Variants in NLRP13 observed in about 807,000 individuals in gnomAD.
The protein encoded by NLRP13 is NACHT, LRR and PYD domains-containing protein 13.
A neutral mutation model predicts 94.4 loss-of-function variants in NLRP13; 82 were observed. The observed-to-expected ratio is 0.87, with a 90% CI of 0.73 to 1.04. NLRP13 has a LOEUF of 1.04. Among genes scored for constraint, NLRP13 ranks in the 50% least tolerant of loss-of-function variants. NLRP13 has a pLI of 0.00. For synonymous variants in NLRP13, 553 were observed against 464.7 expected (o/e 1.19, Z -2.45); for missense variants, 1,426 against 1,230.8 (o/e 1.16, Z -2.37).
rs1301361814 is a variant in NLRP13, at chr19:55,904,992, C to T, written c.2568G>A (p.Lys856=). 2 of 1,614,066 alleles carry T rather than the reference C, an allele frequency of 1.2e-6. No individual in the cohort carries two copies. Among genetic ancestry groups the T allele is most frequent in the Admixed American group, 1.7e-5 (1 of 60,002 alleles). The change falls in exon 8 of 11, where the codon AAG becomes AAA. Residue 856 remains lysine, a synonymous_variant. Coordinates refer to ENST00000342929, the MANE Select transcript of NLRP13 (RefSeq NM_176810.2). ...GFNRLQDDGI[K]LLCAALTHPK... is the part of the protein sequence containing the mutation. ...GGTGAGTCAGGGCCGCACACAATAG[C>T]TTTATGCCATCATCTTGGAGCCGAT...
chr19:55,902,009 A>C, intron 9 of NLRP13, 26 bp downstream of exon 9: 1 of 1,611,720 alleles, frequency 6.2e-7, no homozygotes, highest in East Asian at 2.2e-5. Flanking sequence ...CCATCTGCCA[A>C]CTCAGAGGGA....
intron 7 of NLRP13, 57 bp from the exon 8 acceptor site, chr19:55,905,169 C>T (rs1358846232): frequency 1.9e-6 from 3 of 1,587,036 alleles, no homozygotes; most frequent in Non-Finnish European, 1.7e-6. Context: ...GTTCCTCTAC[C>T]TTTCTCTCTC....
In NLRP13 at chr19:55,910,748, G is replaced by A; in HGVS notation, c.2112-15C>T. 3 of 1,590,544 alleles carry A rather than the reference G, an allele frequency of 1.9e-6. No homozygotes were observed. The Admixed American group carries it at 5.1e-5, about 27-fold the overall frequency. The stretch of plus-strand genomic sequence containing the variant: ...ACTTGCTTGTCCTTCATGAGGGAGA[G>A]ACAGAACACGGATAAGAGCAAATTA... On this transcript the variant is annotated splice_polypyrimidine_tract_variant and intron_variant, in intron 5 of 10. Transcript: ENST00000342929.
intron 1 of NLRP13, among the ~76,000 whole-genome samples, chr19:55,926,313 A>G (rs1204611239): frequency 1.3e-5 from 2 of 152,336 alleles, no homozygotes; most frequent in Non-Finnish European, 1.5e-5. Flanking sequence ...GGACTAGTAC[A>G]TGGCTGCAAA....
At chr19:55,925,484 G>T (rs1986946388) in intron 1 of NLRP13, among the ~76,000 whole-genome samples, 1 of 152,156 alleles carries the variant, frequency 6.6e-6, no homozygotes, top group Admixed American at 6.5e-5. Context: ...CCTGTCTAGG[G>T]AGATGGCTAG....
At chr19:55,903,721 G>T (rs2123110719) in intron 8 of NLRP13, among the ~76,000 whole-genome samples, 1 of 151,964 alleles carries the variant, frequency 6.6e-6, no homozygotes, top group African/African-American at 2.4e-5. Context: ...AGGTGTTCTT[G>T]GTACCCTCCC....
chr19:55,900,375 G>A (rs1397320153), intron 9 of NLRP13, among the ~76,000 whole-genome samples: 2 of 152,144 alleles, frequency 1.3e-5, no homozygotes, highest in African/African-American at 4.8e-5. Context: ...ACTACTTTGT[G>A]TTTACAAAGG....
chr19:55,927,867 T>C (rs1039900708), intron 1 of NLRP13, among the ~76,000 whole-genome samples: 2 of 152,172 alleles, frequency 1.3e-5, no homozygotes, highest in Non-Finnish European at 2.9e-5. Context: ...CCAGACATCC[T>C]GACTCCAGAA....
downstream of NLRP13, chr19:55,895,808 C>T: frequency 2.2e-6 from 2 of 896,736 alleles, no homozygotes; most frequent in East Asian, 4.8e-5. Flanking sequence ...GAGATCACTC[C>T]CACCCTTACT....
rs920688631 is a variant in NLRP13 at position 55,901,856 on chromosome 19, C to T, written c.2789+179G>A. ...CTGGTCTCGAGGTCCCCCAGACACA[C>T]ACACATTCACGGTCCTCCCACTTTC... On this transcript the variant is annotated intron_variant, in intron 9 of 10. Coordinates refer to ENST00000342929, the MANE Select transcript of NLRP13 (RefSeq NM_176810.2). 2.6e-5 allele frequency among the ~76,000 whole-genome samples: 4 copies of T among 152,150 alleles called. No individual in the cohort carries two copies. The East Asian group carries it at 7.7e-4, about 29-fold the overall frequency.
intron 9 of NLRP13, among the ~76,000 whole-genome samples, chr19:55,901,730 T>C (rs1426420915): frequency 1.3e-5 from 2 of 152,152 alleles, no homozygotes; most frequent in Non-Finnish European, 2.9e-5. Context: ...CCCTTTCCCT[T>C]TGCTGATCTG....
intron 4 of NLRP13, among the ~76,000 whole-genome samples, chr19:55,913,548 CAAA>C (rs10530056): frequency 0.048 from 2,490 of 51,820 alleles, 58 homozygotes; most frequent in South Asian, 0.17. Flanking sequence ...GACTCCGTCT[CAAA>C]AAAAAAAAAA....
At chr19:55,916,661 T>G (rs572802771) in intron 4 of NLRP13, among the ~76,000 whole-genome samples, 2 of 152,236 alleles carry the variant, frequency 1.3e-5, no homozygotes, top group African/African-American at 2.4e-5. Flanking sequence ...TAATTTAGTC[T>G]GACAAAAATA....
chr19:55,902,268 A>C, intron 8 of NLRP13, 63 bp from the exon 9 acceptor site: 1 of 1,391,134 alleles, frequency 7.2e-7, no homozygotes, highest in Non-Finnish European at 9.6e-7. Flanking sequence ...GGCTCCTGGA[A>C]CAGAGCCTCA....
chr19:55,922,736 G>A (rs143798247), intron 4 of NLRP13, among the ~76,000 whole-genome samples: 354 of 152,254 alleles, frequency 2.3e-3, no homozygotes, highest in African/African-American at 8.0e-3. Context: ...TATATGCCCA[G>A]GATACTGAAC....
At chr19:55,930,795 G>A (rs1292829352) in intron 1 of NLRP13, among the ~76,000 whole-genome samples, 2 of 147,660 alleles carry the variant, frequency 1.4e-5, no homozygotes, top group Non-Finnish European at 3.0e-5. Context: ...ATAAAGTGAT[G>A]TGTGCATTCT....
chr19:55,917,525 A>T (rs1038600274), intron 4 of NLRP13, among the ~76,000 whole-genome samples: 10 of 129,496 alleles, frequency 7.7e-5, no homozygotes, highest in African/African-American at 2.6e-4. Context: ...TATGCTGCTT[A>T]AAAAAAAACT....
At chr19:55,925,224 C>T (rs1568446584) in intron 1 of NLRP13, among the ~76,000 whole-genome samples, 189 bp from the exon 2 acceptor site, 1 of 152,232 alleles carries the variant, frequency 6.6e-6, no homozygotes, top group South Asian at 2.1e-4. Context: ...GTCCACAGCA[C>T]ACGCTAAGCA....
intron 4 of NLRP13, among the ~76,000 whole-genome samples, chr19:55,921,755 C>G (rs1007821632): frequency 2.6e-5 from 4 of 152,014 alleles, no homozygotes; most frequent in African/African-American, 7.2e-5. Flanking sequence ...CACAGACACT[C>G]AGAGGAAAAG....
Sources: allele counts gnomAD v4.1 joint callset (sites outside exome capture counted in the v4.1 genomes callset), GRCh38; gene constraint gnomAD v4.1.1; transcripts MANE v1.5; gene names NCBI Gene and HGNC (gene_info 2026-07-23, HGNC 2026-07-21).